The following SPATA9 variants were observed in gnomAD, a reference collection of about 807,000 sequenced individuals.
The protein encoded by SPATA9 is spermatogenesis-associated protein 9.
Under a neutral mutation model 25.5 loss-of-function variants are expected in SPATA9, and 27 were observed. The ratio of observed to expected loss-of-function variants is 1.06; its 90% CI spans 0.78 to 1.46. The LOEUF is 1.46. Among genes scored for constraint, SPATA9 ranks in the 40% most tolerant of loss-of-function variants. SPATA9 has a pLI of 0.00. For missense variants in SPATA9, 282 were observed against 297.5 expected, an observed-to-expected ratio of 0.95 and a Z score of 0.38; for synonymous variants, 102 against 105.7, an observed-to-expected ratio of 0.97 and a Z score of 0.21.
chr5:95,694,498 A>G (rs1753965611), intron 1 of SPATA9, among the ~76,000 whole-genome samples: 2 of 152,262 alleles, frequency 1.3e-5, no homozygotes, highest in Non-Finnish European at 2.9e-5. Context: ...AGTGCTAAAA[A>G]TAAAAATGCT....
In SPATA9 at chr5:95,658,378, C is replaced by A; in HGVS notation, c.*245G>T. 1 of 320,026 alleles carries A rather than the reference C, an allele frequency of 3.1e-6. No homozygotes were observed. Among genetic ancestry groups the A allele is most frequent in the African/African-American group, 2.1e-5 (1 of 47,468 alleles). 19.8% of individuals were successfully genotyped at this position (320,026 alleles called of 1,614,324 possible). A position where few individuals can be genotyped will look rare whatever the true frequency, so the allele number is the denominator to read the frequency against. On this transcript the variant is annotated 3_prime_UTR_variant, in exon 5 of 5. Coordinates refer to ENST00000274432, the MANE Select transcript of SPATA9 (RefSeq NM_031952.4). The stretch of plus-strand genomic sequence containing the variant: ...TTATAAACCACAGTGTAAAGTCTAA[C>A]CTACCAGAGGATGGATTTTCTTGTT...
Position 95,672,916 on chromosome 5 carries a change from G to A in SPATA9, c.378+2496C>T, listed in dbSNP as rs557769444. ...ATTTCTCTCATTCCTGTGCAGATTG[G>A]CCCTTCTGAGCAAAGGACATGTTTG... On this transcript the variant is annotated intron_variant, in intron 3 of 4. Transcript: ENST00000274432. Among the ~76,000 whole-genome samples, 6 of 152,238 alleles carry A rather than the reference G, an allele frequency of 3.9e-5. No homozygotes were observed. In the South Asian group the frequency reaches 1.0e-3, roughly 26 times the overall value.
intron 3 of SPATA9, among the ~76,000 whole-genome samples, chr5:95,668,088 A>G (rs1751994341): frequency 6.6e-6 from 1 of 152,172 alleles, no homozygotes; most frequent in Non-Finnish European, 1.5e-5. Context: ...TCTTTTCTTT[A>G]TAAATTACCC....
upstream of SPATA9, among the ~76,000 whole-genome samples, chr5:95,701,963 T>A (rs1754188285): frequency 6.6e-6 from 1 of 152,232 alleles, no homozygotes. Flanking sequence ...GATATTCTTT[T>A]ACTGAACAAA....
At chr5:95,652,970 T>C, downstream of SPATA9, 1 of 1,121,438 alleles carries the variant, frequency 8.9e-7, no homozygotes. Context: ...GTGGCTTTCC[T>C]TTGCTCTTAG....
chr5:95,699,439 T>C (rs147752921), upstream of SPATA9, among the ~76,000 whole-genome samples: 188 of 152,284 alleles, frequency 1.2e-3, 2 homozygotes, highest in Middle Eastern at 0.027. Context: ...ACCTGGCCAA[T>C]GGGAAACATT....
At position 95,682,834 on chromosome 5, in the gene SPATA9, C is replaced by T. The variant is rs373326650; in HGVS notation, c.21G>A (p.Gly7=). Residue 7 remains glycine, a synonymous_variant, in exon 1 of 5, where the codon GGG becomes GGA. Coordinates refer to ENST00000274432, the MANE Select transcript of SPATA9 (RefSeq NM_031952.4). MPIKPV[G]WICGQVLKNF... is the part of the protein sequence containing the mutation. The stretch of plus-strand genomic sequence containing the variant: ...TCTTCAACACCTGCCCACATATCCA[C>T]CCAACAGGTTTGATTGGCATGGTGA... 7 of 1,545,398 alleles carry T rather than the reference C, an allele frequency of 4.5e-6. No homozygotes were observed. Among genetic ancestry groups the T allele is most frequent in the South Asian group, 1.3e-5 (1 of 76,904 alleles).
At chr5:95,685,875 C>G (rs1753731397), upstream of SPATA9, among the ~76,000 whole-genome samples, 2 of 152,198 alleles carry the variant, frequency 1.3e-5, no homozygotes, top group African/African-American at 4.8e-5. Context: ...CTCACTCTCT[C>G]ACCCAAGCTG....
intron 1 of SPATA9, among the ~76,000 whole-genome samples, chr5:95,693,110 T>C (rs1753930015): frequency 6.6e-6 from 1 of 152,244 alleles, no homozygotes; most frequent in African/African-American, 2.4e-5. Context: ...CTAGCAACAA[T>C]GTAGAGCTCA....
chr5:95,701,704 G>C (rs1669277334), upstream of SPATA9, among the ~76,000 whole-genome samples: 1 of 151,728 alleles, frequency 6.6e-6, no homozygotes, highest in South Asian at 2.1e-4. Context: ...TTTGTGCTTA[G>C]ACAAAATGTT....
chr5:95,731,400 C>T, the SPATA9 span: 3 of 1,177,590 alleles, frequency 2.5e-6, no homozygotes, highest in Non-Finnish European at 3.1e-6. Flanking sequence ...CAGCTGCGTC[C>T]ACTTGGGGCT....
At chr5:95,712,075 A>C in the SPATA9 span, among the ~76,000 whole-genome samples, 1 of 152,098 alleles carries the variant, frequency 6.6e-6, no homozygotes, top group Non-Finnish European at 1.5e-5. Flanking sequence ...CAAGGCCGGG[A>C]CTCCATAAAT....
At chr5:95,704,441 T>A in the SPATA9 span, among the ~76,000 whole-genome samples, 1 of 152,148 alleles carries the variant, frequency 6.6e-6, no homozygotes, top group Non-Finnish European at 1.5e-5. Context: ...AAATAGTTGA[T>A]AGGAGGTAGT....
upstream of SPATA9, among the ~76,000 whole-genome samples, chr5:95,699,768 G>C (rs1223325653): frequency 6.6e-6 from 1 of 152,156 alleles, no homozygotes; most frequent in African/African-American, 2.4e-5. Flanking sequence ...GAGCATAGTG[G>C]GAAGAAATAC....
chr5:95,654,773 A>G (rs1276063030), downstream of SPATA9, among the ~76,000 whole-genome samples: 1 of 152,192 alleles, frequency 6.6e-6, no homozygotes, highest in Non-Finnish European at 1.5e-5. Flanking sequence ...TGTATTTGTG[A>G]CTGAAAAAAG....
chr5:95,653,079 T>G, exon 9 of SPATA9: 2 of 1,549,778 alleles, frequency 1.3e-6, no homozygotes, highest in South Asian at 1.2e-5. Context: ...ACCAAGACTT[T>G]TCTTTCCTTC....
chr5:95,652,236 T>C (rs1186341157), downstream of SPATA9: 1 of 1,543,046 alleles, frequency 6.5e-7, no homozygotes, highest in African/African-American at 1.4e-5. Context: ...CTACTGATCT[T>C]GCCTCTCTAC....
chr5:95,683,615 G>T (rs1425627008), upstream of SPATA9, among the ~76,000 whole-genome samples: 1 of 152,114 alleles, frequency 6.6e-6, no homozygotes, highest in Non-Finnish European at 1.5e-5. Context: ...TTGGCTCACT[G>T]CAACCTCAGC....
At chr5:95,713,688 G>GTAGA in the SPATA9 span, 1 of 151,994 alleles carries the variant, frequency 6.6e-6, no homozygotes, top group Non-Finnish European at 1.5e-5. Context: ...ATAATCTAAG[G>GTAGA]TAGATCTCCT....
Sources: gnomAD v4.1 joint callset for allele counts (sites outside exome capture counted in the v4.1 genomes callset) on GRCh38, gnomAD v4.1.1 for gene constraint, MANE v1.5 for transcripts, NCBI Gene and HGNC (gene_info 2026-07-23, HGNC 2026-07-21) for gene names.